Variants in LRCH3 observed in about 807,000 individuals in gnomAD.
LRCH3 encodes leucine rich repeats and calponin homology domain containing 3, also known as DISP complex protein LRCH3.
LRCH3 carries 68 observed loss-of-function variants against 104.5 expected under a neutral mutation model. The ratio of observed to expected loss-of-function variants is 0.65; its 90% CI spans 0.54 to 0.80. The LOEUF is 0.80. Among genes scored for constraint, LRCH3 ranks in the 30% least tolerant of loss-of-function variants. LRCH3 has a pLI of 0.00. For missense variants in LRCH3, 951 were observed against 953.9 expected (o/e 1.00, Z 0.04); for synonymous variants, 344 against 361.3 (o/e 0.95, Z 0.54).
At chr3:197,813,574 A>G (rs1373195872) in intron 1 of LRCH3, among the ~76,000 whole-genome samples, 1 of 114,808 alleles carries the variant, frequency 8.7e-6, no homozygotes, top group Non-Finnish European at 1.6e-5. Context: ...TCTCTTGCCC[A>G]GGCTGGAGTA....
chr3:197,826,937 C>T lies in LRCH3; in HGVS notation c.700C>T (p.Pro234Ser). Residue 234 changes from proline to serine, a missense_variant, in exon 5 of 21, where the codon CCT (proline) becomes TCT (serine). Coordinates refer to ENST00000425562, the MANE Select transcript of LRCH3 (RefSeq NM_001365715.1). Reference protein sequence around the residue: ...DFSCNKITTIPVCYRNLRHLQ... With the variant: ...DFSCNKITTISVCYRNLRHLQ... ...CTCATGCAATAAAATTACCACAATCCCTGTTTGTTATCGGAACCTCAGGCA... is the reference window on the plus strand; with the variant it reads ...CTCATGCAATAAAATTACCACAATCTCTGTTTGTTATCGGAACCTCAGGCA... 6.2e-7 allele frequency: 1 copy of T among 1,613,964 alleles called. No individual in the cohort carries two copies. The highest frequency in any genetic ancestry group is 8.5e-7 in the Non-Finnish European group (1 of 1,179,996).
In LRCH3 at chr3:197,883,302, A is replaced by C; in HGVS notation, c.2209-239A>C. On this transcript the variant is annotated intron_variant, in intron 20 of 20. Coordinates refer to ENST00000425562, the MANE Select transcript of LRCH3 (RefSeq NM_001365715.1). The surrounding 1 kb of genome is among the most constrained non-coding windows in gnomAD (Gnocchi z 4.2). ...TATGTATAGATATATGCTACTTGTC[A>C]ATTTTCCAATTTTGAAAATGATCTG... 3 of 1,292,350 alleles carry C rather than the reference A, an allele frequency of 2.3e-6. No individual in the cohort carries two copies. The South Asian group carries it at 5.5e-5, about 24-fold the overall frequency. The allele number at this position is 1,292,350 out of a possible 1,614,324, so 80.1% of individuals were successfully genotyped here.
chr3:197,799,574 A>G (rs1731636812), intron 1 of LRCH3, among the ~76,000 whole-genome samples: 1 of 152,206 alleles, frequency 6.6e-6, no homozygotes, highest in Admixed American at 6.5e-5. Context: ...TCCCATTAAA[A>G]ACAGGTTTTT....
At chr3:197,837,029 AT>A (rs1176414987) in intron 9 of LRCH3, among the ~76,000 whole-genome samples, 3 of 152,032 alleles carry the variant, frequency 2.0e-5, no homozygotes, top group Non-Finnish European at 2.9e-5. Flanking sequence ...TCCTATCTGA[AT>A]ACTTTTGAAC....
chr3:197,818,815 A>G (rs1322882563), intron 3 of LRCH3, among the ~76,000 whole-genome samples: 2 of 152,156 alleles, frequency 1.3e-5, no homozygotes, highest in African/African-American at 4.8e-5. Context: ...CATATAAGGA[A>G]CTTGTGGCAG....
At chr3:197,870,983 A>C (rs1712107661) in intron 18 of LRCH3, among the ~76,000 whole-genome samples, 1 of 152,130 alleles carries the variant, frequency 6.6e-6, no homozygotes, top group Admixed American at 6.5e-5. Flanking sequence ...GTCAGTAATA[A>C]TTTATATGTG....
At chr3:197,802,656 A>T (rs1437590544) in intron 1 of LRCH3, among the ~76,000 whole-genome samples, 1 of 152,120 alleles carries the variant, frequency 6.6e-6, no homozygotes, top group Non-Finnish European at 1.5e-5. Flanking sequence ...AGACTTACTG[A>T]TTCAATCCTT....
chr3:197,882,424 A>G (rs1713851530), intron 20 of LRCH3: 14 of 966,886 alleles, frequency 1.4e-5, no homozygotes, highest in Non-Finnish European at 1.6e-5. Context: ...AAAAGTAAGC[A>G]CAAGTACCAA....
At chr3:197,873,273 T>A (rs187515832) in intron 19 of LRCH3, among the ~76,000 whole-genome samples, 33 of 152,344 alleles carry the variant, frequency 2.2e-4, no homozygotes, top group Admixed American at 1.6e-3. Flanking sequence ...CCGCACTTGC[T>A]TTATGTATCT....
intron 1 of LRCH3, among the ~76,000 whole-genome samples, chr3:197,795,219 A>G (rs759763039): frequency 6.6e-6 from 1 of 152,074 alleles, no homozygotes; most frequent in Admixed American, 6.6e-5. Context: ...TAAGAGTATA[A>G]GGGACATCAG....
In LRCH3 at chr3:197,835,806, G is replaced by C; in HGVS notation, c.1235G>C (p.Arg412Pro). The change falls in exon 9 of 21, where the codon CGG (arginine) becomes CCG (proline). Residue 412 changes from arginine to proline, a missense_variant. Transcript: ENST00000425562. ...SSQFMAYIEQRRISHEGSPVK... is the reference protein window; with the variant it reads ...SSQFMAYIEQPRISHEGSPVK... Reference sequence around the variant, plus strand: ...CAGTTTATGGCGTATATTGAACAGCGGCGAATCTCTCATGAGGTAGTACAC... The same window carrying C: ...CAGTTTATGGCGTATATTGAACAGCCGCGAATCTCTCATGAGGTAGTACAC... The C allele has an allele frequency of 6.2e-7, 1 of 1,614,058 alleles. No individual in the cohort carries two copies. Among genetic ancestry groups the C allele is most frequent in the Non-Finnish European group, 8.5e-7 (1 of 1,179,994 alleles).
chr3:197,846,415 C>T (rs1278435591), intron 10 of LRCH3, among the ~76,000 whole-genome samples: 1 of 145,104 alleles, frequency 6.9e-6, no homozygotes, highest in Non-Finnish European at 1.5e-5. Flanking sequence ...AAAAAAACGG[C>T]TGGGCGCAGT....
chr3:197,851,485 A>G (rs570347880), intron 12 of LRCH3, among the ~76,000 whole-genome samples: 66 of 152,306 alleles, frequency 4.3e-4, no homozygotes, highest in Admixed American at 2.2e-3. Flanking sequence ...TAAAAACCAG[A>G]TGGTTTCTAA....
At chr3:197,831,054 G>T (rs1394642276) in intron 7 of LRCH3, 191 bp downstream of exon 7, 1 of 492,420 alleles carries the variant, frequency 2.0e-6, no homozygotes, top group Non-Finnish European at 3.7e-6. Flanking sequence ...CTGTCACGTG[G>T]ATTTCCGCCT....
intron 18 of LRCH3, 24 bp from the exon 19 acceptor site, chr3:197,871,301 A>G: frequency 6.4e-7 from 1 of 1,574,230 alleles, no homozygotes; most frequent in Middle Eastern, 1.7e-4. Flanking sequence ...CAATTAATCT[A>G]TTACATGTTT....
Position 197,820,440 on chromosome 3 carries a change from TATGAAATAAGAAACC to T in LRCH3, c.640+20_640+34del, listed in dbSNP as rs755840886. The stretch of plus-strand genomic sequence containing the variant: ...GTACATTTGCCTGAAGGTAAGAAAC[TATGAAATAAGAAACC>T]ATGAAATAATTGTTTTATTATTTTA... On this transcript the variant is annotated intron_variant, in intron 4 of 20. Coordinates refer to ENST00000425562, the MANE Select transcript of LRCH3 (RefSeq NM_001365715.1). 8 of 1,453,210 alleles carry T rather than the reference TATGAAATAAGAAACC, an allele frequency of 5.5e-6. No homozygotes were observed. The South Asian group carries it at 9.4e-5, about 17-fold the overall frequency. 90.0% of individuals were successfully genotyped at this position (1,453,210 alleles called of 1,614,324 possible). A position where few individuals can be genotyped will look rare whatever the true frequency, so the allele number is the denominator to read the frequency against.
intron 2 of LRCH3, among the ~76,000 whole-genome samples, chr3:197,816,618 T>G (rs559709226): frequency 5.3e-5 from 8 of 152,312 alleles, no homozygotes; most frequent in African/African-American, 1.7e-4. Flanking sequence ...AGTTCTGATT[T>G]GCATGTTTTT....
intron 1 of LRCH3, among the ~76,000 whole-genome samples, chr3:197,801,355 A>C (rs766056899): frequency 1.3e-4 from 20 of 152,190 alleles, no homozygotes; most frequent in Non-Finnish European, 2.5e-4. Context: ...GTTGGGAGTC[A>C]GGGATATATT....
chr3:197,881,789 G>T lies in LRCH3; in HGVS notation c.2209-1752G>T, dbSNP rs75890052. On this transcript the variant is annotated intron_variant, in intron 20 of 20. Transcript: ENST00000425562. ...ATGAACTCAAGTGTGAAGAGAGATT[G>T]TGAGGAGCATAATATCCGGTTTAGA... 3.7e-3 allele frequency: 3,636 copies of T among 985,424 alleles called. 123 individuals carry two copies. The African/African-American group carries it at 0.059, about 16-fold the overall frequency. The allele number at this position is 985,424 out of a possible 1,614,324, so 61.0% of individuals were successfully genotyped here.
Sources: gnomAD v4.1 joint callset for allele counts (sites outside exome capture counted in the v4.1 genomes callset) on GRCh38, gnomAD v4.1.1 for gene constraint, Gnocchi (gnomAD v3.1) non-coding constraint, MANE v1.5 for transcripts, NCBI Gene and HGNC (gene_info 2026-07-23, HGNC 2026-07-21) for gene names.